FCHSD2: variants seen among roughly 807,000 people sequenced by gnomAD.
The protein encoded by FCHSD2 is FCH and double SH3 domains 2, also known as F-BAR and double SH3 domains protein 2.
Under a neutral mutation model 108.1 loss-of-function variants are expected in FCHSD2, and 38 were observed. The ratio of observed to expected loss-of-function variants is 0.35; its 90% confidence interval spans 0.27 to 0.46. The LOEUF (loss-of-function observed/expected upper bound fraction) is 0.46, where lower values mean the gene tolerates loss of function less well. FCHSD2 is among the 20% of genes least tolerant of loss of function. FCHSD2 has a pLI of 1.00. For synonymous variants in FCHSD2, 279 were observed against 314.7 expected (o/e 0.89, Z 1.20); for missense variants, 751 against 897.8 (o/e 0.84, Z 2.09).
chr11:72,888,129 A>C (rs1855237071), intron 11 of FCHSD2, among the ~76,000 whole-genome samples: 1 of 152,234 alleles, frequency 6.6e-6, no homozygotes, highest in Non-Finnish European at 1.5e-5. Context: ...CAAGATAGCC[A>C]AGTATAGGAA....
At chr11:72,887,669 G>T in intron 11 of FCHSD2, 95 bp from the exon 12 acceptor site, 2 of 710,866 alleles carry the variant, frequency 2.8e-6, no homozygotes, top group South Asian at 2.2e-5. Flanking sequence ...GGGCTTTAGT[G>T]ACTAGTAGCC....
chr11:72,881,279 A>G (rs1191449716), intron 12 of FCHSD2, among the ~76,000 whole-genome samples: 1 of 152,212 alleles, frequency 6.6e-6, no homozygotes, highest in East Asian at 1.9e-4. Flanking sequence ...AAAATACTCA[A>G]CATCACTTAT....
At chr11:72,952,393 C>T (rs574469971) in intron 8 of FCHSD2, among the ~76,000 whole-genome samples, 59 of 151,136 alleles carry the variant, frequency 3.9e-4, no homozygotes, top group African/African-American at 1.4e-3. Flanking sequence ...GGCACTATTT[C>T]GGCTCACTGC....
chr11:72,933,396 G>A (rs1370035191), intron 8 of FCHSD2, among the ~76,000 whole-genome samples: 1 of 152,234 alleles, frequency 6.6e-6, no homozygotes, highest in Non-Finnish European at 1.5e-5. Context: ...AGATGGGAAT[G>A]GTGGGCAGAG....
In FCHSD2 at chr11:73,141,330, G is replaced by T. The variant is rs538695229; in HGVS notation, c.21+527C>A. On this transcript the variant is annotated intron_variant, in intron 1 of 19. Coordinates refer to ENST00000409418, the MANE Select transcript of FCHSD2 (RefSeq NM_014824.3). Reference sequence around the variant, plus strand: ...CCTTAATTTGTTTTCCCTTGGGGTGGGGAGGCGGTGACTATTCCAACTTCT... The same window carrying T: ...CCTTAATTTGTTTTCCCTTGGGGTGTGGAGGCGGTGACTATTCCAACTTCT... The T allele has an allele frequency of 5.8e-5, 9 of 154,692 alleles. No individual in the cohort carries two copies. In the South Asian group the frequency reaches 1.0e-3, roughly 18 times the overall value. The allele number at this position is 154,692 out of a possible 1,614,324, so 9.6% of individuals were successfully genotyped here. A position where few individuals can be genotyped will look rare whatever the true frequency, so the allele number is the denominator to read the frequency against.
Position 72,843,208 on chromosome 11 carries a change from A to G in FCHSD2, c.1648T>C (p.Ser550Pro), listed in dbSNP as rs755459693. The change falls in exon 16 of 20, where the codon TCC becomes CCC. Residue 550 changes from serine to proline, a missense_variant. Coordinates refer to ENST00000409418, the MANE Select transcript of FCHSD2 (RefSeq NM_014824.3). ...LAALDSRSHT[S>P]SNSTEAELVS... ...AGTTCTGCTTCCGTGGAATTGCTGG[A>G]CGTGTGTGACCGACTGTCCAAAGCG... The G allele has an allele frequency of 4.3e-6, 7 of 1,613,980 alleles. 1 individual carries two copies. The South Asian group carries it at 6.6e-5, about 15-fold the overall frequency.
intron 8 of FCHSD2, among the ~76,000 whole-genome samples, chr11:72,923,197 AT>A (rs1036468402): frequency 6.6e-6 from 1 of 152,096 alleles, no homozygotes; most frequent in African/African-American, 2.4e-5. Flanking sequence ...CCTTTTCCCC[AT>A]TTTTTGACTA....
chr11:72,878,979 G>A (rs958537096), intron 12 of FCHSD2, among the ~76,000 whole-genome samples: 3 of 151,884 alleles, frequency 2.0e-5, no homozygotes, highest in Admixed American at 6.6e-5. Context: ...TTTTGGTGGC[G>A]GGCACCTGTA....
intron 6 of FCHSD2, among the ~76,000 whole-genome samples, chr11:72,986,642 TAC>T (rs1350270798): frequency 1.3e-5 from 2 of 152,358 alleles, no homozygotes; most frequent in South Asian, 2.1e-4. Context: ...CTCCTTTTTT[TAC>T]AGTCATTACC....
intron 9 of FCHSD2, among the ~76,000 whole-genome samples, chr11:72,904,203 T>G (rs1356781962): frequency 6.6e-6 from 1 of 152,162 alleles, no homozygotes. Flanking sequence ...GAAATGTACT[T>G]TGTTCTCTTC....
chr11:72,909,497 T>A (rs1394239673), intron 9 of FCHSD2, among the ~76,000 whole-genome samples: 1 of 143,556 alleles, frequency 7.0e-6, no homozygotes, highest in Admixed American at 6.9e-5. Flanking sequence ...TGGCCGCCCA[T>A]CATCTGGGAT....
intron 13 of FCHSD2, among the ~76,000 whole-genome samples, chr11:72,851,712 C>T (rs763029863): frequency 4.6e-5 from 7 of 151,800 alleles, no homozygotes; most frequent in Non-Finnish European, 7.4e-5. Flanking sequence ...CACTGCACTC[C>T]GGCCTGGTGA....
chr11:72,964,617 T>G (rs1247205321), intron 8 of FCHSD2, among the ~76,000 whole-genome samples: 3 of 152,236 alleles, frequency 2.0e-5, no homozygotes, highest in African/African-American at 2.4e-5. Flanking sequence ...TCTATCATCA[T>G]CATCAGCAGC....
In FCHSD2 at chr11:72,839,005, TGC is replaced by T. The variant is rs1860820792; in HGVS notation, c.2140-133_2140-132del. ...GGGTCTCAGAAATGTTGTGAGCACG[TGC>T]TTTCAACCTAGTCTTCACTATTTCC... On this transcript the variant is annotated intron_variant, in intron 19 of 19. Coordinates refer to ENST00000409418, the MANE Select transcript of FCHSD2 (RefSeq NM_014824.3). 4.3e-6 allele frequency: 3 copies of T among 703,362 alleles called. No individual in the cohort carries two copies. In the South Asian group the frequency reaches 5.1e-5, roughly 12 times the overall value. 43.6% of individuals were successfully genotyped at this position (703,362 alleles called of 1,614,324 possible).
intron 2 of FCHSD2, among the ~76,000 whole-genome samples, chr11:73,115,012 CT>C (rs1860572186): frequency 6.6e-6 from 1 of 152,170 alleles, no homozygotes. Context: ...AATTGGAGTC[CT>C]AGTGTCTTAG....
intron 3 of FCHSD2, among the ~76,000 whole-genome samples, chr11:73,036,337 C>A (rs538432771): frequency 8.1e-4 from 121 of 149,124 alleles, no homozygotes; most frequent in Non-Finnish European, 1.5e-3. Context: ...AAAAAAAAAA[C>A]CCAAGCTTCA....
intron 2 of FCHSD2, among the ~76,000 whole-genome samples, chr11:73,093,926 T>C (rs906073739): frequency 5.3e-5 from 8 of 150,718 alleles, no homozygotes; most frequent in African/African-American, 1.9e-4. Flanking sequence ...AGAATAAAGA[T>C]AGGACTGGGT....
At chr11:72,930,904 T>C (rs1328254985) in intron 8 of FCHSD2, among the ~76,000 whole-genome samples, 1 of 152,094 alleles carries the variant, frequency 6.6e-6, no homozygotes, top group Non-Finnish European at 1.5e-5. Flanking sequence ...TAGTCAATAA[T>C]AATTGTACAT....
At chr11:72,975,264 T>C (rs1210563977) in intron 8 of FCHSD2, among the ~76,000 whole-genome samples, 1 of 152,208 alleles carries the variant, frequency 6.6e-6, no homozygotes, top group Non-Finnish European at 1.5e-5. Context: ...TTGTGAATAG[T>C]GCTATAAGAC....
Sources: gnomAD v4.1 joint callset for allele counts (sites outside exome capture counted in the v4.1 genomes callset) on GRCh38, gnomAD v4.1.1 for gene constraint, MANE v1.5 for transcripts, NCBI Gene and HGNC (gene_info 2026-07-23, HGNC 2026-07-21) for gene names.